The following RIC8B variants were observed in gnomAD, a reference collection of about 807,000 sequenced individuals.
RIC8B encodes chaperone Ric-8B.
Under a neutral mutation model 57.5 loss-of-function variants are expected in RIC8B, and 16 were observed. The observed-to-expected ratio is 0.28, with a 90% confidence interval of 0.19 to 0.42. The LOEUF is 0.42. Among genes scored for constraint, RIC8B ranks in the 10% least tolerant of loss-of-function variants. The pLI is 1.00. For synonymous variants in RIC8B, 216 were observed against 250.8 expected (o/e 0.86, Z 1.31); for missense variants, 481 against 677.0 (o/e 0.71, Z 3.21).
intron 8 of RIC8B, chr12:106,868,462 A>T: frequency 2.8e-6 from 1 of 361,934 alleles, no homozygotes; most frequent in Non-Finnish European, 5.5e-6. Flanking sequence ...CATTTATAAG[A>T]CTAGTTGTTT....
In RIC8B at chr12:106,870,954, C is replaced by T. The variant is rs1408578627; in HGVS notation, c.1571+12C>T. ...GATAAACTTTCCAGGTATTGTATTC[C>T]CATCCATTTTTTGCTTGGTTTCTAA... On this transcript the variant is annotated intron_variant, in intron 9 of 9. Transcript: ENST00000392837. The T allele has an allele frequency of 1.9e-6, 3 of 1,543,190 alleles. No homozygotes were observed. Among genetic ancestry groups the T allele is most frequent in the Non-Finnish European group, 2.6e-6 (3 of 1,143,190 alleles).
chr12:106,812,248 T>C lies in RIC8B; in HGVS notation c.133-2448T>C, dbSNP rs905467991. ...TCTTGTCTTTGCTTGCTGGATGATCTTCTACAAGCTTTTAGATGAAGCAGT... is the reference window on the plus strand; with the variant it reads ...TCTTGTCTTTGCTTGCTGGATGATCCTCTACAAGCTTTTAGATGAAGCAGT... On this transcript the variant is annotated intron_variant, in intron 2 of 9. Coordinates refer to ENST00000392837, the MANE Select transcript of RIC8B (RefSeq NM_001330145.2). 4.6e-5 allele frequency among the ~76,000 whole-genome samples: 7 copies of C among 150,802 alleles called. No homozygotes were observed. The South Asian group carries it at 1.4e-3, about 31-fold the overall frequency.
In RIC8B at chr12:106,815,248, G is replaced by C; in HGVS notation, c.685G>C (p.Glu229Gln). The change falls in exon 3 of 10, where the codon GAG (glutamate) becomes CAG (glutamine). Residue 229 changes from glutamate to glutamine, a missense_variant. By Grantham distance (29) the Glu-to-Gln change is conservative. This residue lies in a region of RIC8B where 421 missense variants were observed against 560.9 expected (regional missense o/e 0.75). Transcript: ENST00000392837. ...LSPQETDCAI[E>Q]ALKALFNVTV... Reference sequence around the variant, plus strand: ...ACCTCAGGAGACAGACTGTGCCATTGAGGCCCTCAAAGCTCTCTTCAATGT... The same window carrying C: ...ACCTCAGGAGACAGACTGTGCCATTCAGGCCCTCAAAGCTCTCTTCAATGT... 6.2e-7 allele frequency: 1 copy of C among 1,614,144 alleles called. No individual in the cohort carries two copies. Among genetic ancestry groups the C allele is most frequent in the Admixed American group, 1.7e-5 (1 of 60,028 alleles).
intron 1 of RIC8B, chr12:106,775,541 T>G (rs2043432382): frequency 3.1e-6 from 1 of 327,278 alleles, no homozygotes; most frequent in Non-Finnish European, 6.1e-6. Context: ...ATTATCTGCA[T>G]TTTGCAATTG....
chr12:106,880,415 T>A (rs1233425123), intron 9 of RIC8B, among the ~76,000 whole-genome samples: 1 of 152,120 alleles, frequency 6.6e-6, no homozygotes, highest in Non-Finnish European at 1.5e-5. Context: ...GTATAGAATA[T>A]TGGGGATCAT....
Position 106,867,514 on chromosome 12 carries a change from G to A in RIC8B, c.1452-3309G>A, listed in dbSNP as rs1950188650. On this transcript the variant is annotated intron_variant, in intron 8 of 9. Transcript: ENST00000392837. This position sits in a 1 kb window ranked among gnomAD's most constrained non-coding sequence, Gnocchi z 4.3. ...ATAAAACTAACTCCAGAATTTCATAGCGTTAAGATTGAAACCTGGACTGTG... is the reference window on the plus strand; with the variant it reads ...ATAAAACTAACTCCAGAATTTCATAACGTTAAGATTGAAACCTGGACTGTG... Among the ~76,000 whole-genome samples, 2 of 152,198 alleles carry A rather than the reference G, an allele frequency of 1.3e-5. No homozygotes were observed. The highest frequency in any genetic ancestry group is 4.1e-4 in the South Asian group (2 of 4,822).
chr12:106,798,613 CT>C (rs915772922), intron 2 of RIC8B, among the ~76,000 whole-genome samples: 47 of 145,166 alleles, frequency 3.2e-4, no homozygotes, highest in East Asian at 8.0e-4. Flanking sequence ...AGCCACTGTA[CT>C]TTTTTTTTTT....
At chr12:106,831,769 GA>G (rs1179063198) in intron 4 of RIC8B, among the ~76,000 whole-genome samples, 2 of 152,178 alleles carry the variant, frequency 1.3e-5, no homozygotes, top group Non-Finnish European at 2.9e-5. Flanking sequence ...CTGAATGAGG[GA>G]AACCATCTCT....
chr12:106,862,726 C>CT (rs1949993665), intron 8 of RIC8B, among the ~76,000 whole-genome samples: 1 of 152,122 alleles, frequency 6.6e-6, no homozygotes, highest in Non-Finnish European at 1.5e-5. Context: ...ATTGTCAAAA[C>CT]TTTAAGTGGA....
chr12:106,885,968 C>T lies in RIC8B; in HGVS notation c.1636C>T (p.Leu546Phe), dbSNP rs1252609396. 5.0e-6 allele frequency: 8 copies of T among 1,613,676 alleles called. No homozygotes were observed. The Admixed American group carries it at 6.7e-5, about 13-fold the overall frequency. ...DGTITPLEEA[L>F]NQYSVIEETS... ...GACAATAACGCCTTTGGAGGAAGCACTCAACCAGTACTCTGTCATCGAAGA... is the reference window on the plus strand; with the variant it reads ...GACAATAACGCCTTTGGAGGAAGCATTCAACCAGTACTCTGTCATCGAAGA... Residue 546 changes from leucine to phenylalanine, a missense_variant, in exon 10 of 10, where the codon CTC becomes TTC. Around this residue, in one of 3 missense-constraint regions of RIC8B, gnomAD observed 43 missense variants for 99.8 expected, o/e 0.43. Transcript: ENST00000392837.
At chr12:106,809,125 C>A (rs2045204746) in intron 2 of RIC8B, among the ~76,000 whole-genome samples, 3 of 152,254 alleles carry the variant, frequency 2.0e-5, no homozygotes, top group South Asian at 4.1e-4. Context: ...ATGGTATGAT[C>A]ATAATTTACA....
intron 8 of RIC8B, among the ~76,000 whole-genome samples, chr12:106,870,588 A>AAG (rs1365829928): frequency 3.3e-5 from 5 of 152,002 alleles, no homozygotes; most frequent in Non-Finnish European, 7.4e-5. Flanking sequence ...AAAAAAAAAA[A>AAG]GTTGGCAAGA....
chr12:106,815,459 C>A (rs573282138), intron 3 of RIC8B, among the ~76,000 whole-genome samples, 155 bp downstream of exon 3: 1 of 152,320 alleles, frequency 6.6e-6, no homozygotes, highest in East Asian at 1.9e-4. Context: ...ACTTCTTAAC[C>A]ATTGTAAGTC....
chr12:106,830,664 G>A (rs1290700937), intron 4 of RIC8B, among the ~76,000 whole-genome samples: 1 of 152,170 alleles, frequency 6.6e-6, no homozygotes, highest in Non-Finnish European at 1.5e-5. Flanking sequence ...AACTATAGCT[G>A]AACACTGGTC....
chr12:106,797,886 C>T (rs1464371858), intron 2 of RIC8B: 3 of 455,050 alleles, frequency 6.6e-6, no homozygotes, highest in African/African-American at 6.1e-5. Flanking sequence ...GGCTCCAAGA[C>T]CCGTGTGCTA....
intron 1 of RIC8B, chr12:106,775,030 G>A (rs2043388483): frequency 1.8e-6 from 1 of 564,888 alleles, no homozygotes; most frequent in Non-Finnish European, 3.2e-6. Context: ...CCACTGTAGC[G>A]CCCACTCCTC....
chr12:106,851,078 G>A (rs992457810), intron 6 of RIC8B, among the ~76,000 whole-genome samples: 6 of 152,058 alleles, frequency 3.9e-5, no homozygotes, highest in South Asian at 4.2e-4. Flanking sequence ...AGTATGACTC[G>A]GGGTATTAGG....
At chr12:106,876,945 GTAAA>G (rs1465582832) in intron 9 of RIC8B, among the ~76,000 whole-genome samples, 1 of 152,010 alleles carries the variant, frequency 6.6e-6, no homozygotes, top group African/African-American at 2.4e-5. Flanking sequence ...GAAAAATTCT[GTAAA>G]TAAATTACCA....
At chr12:106,850,441 C>T (rs1949416555) in intron 6 of RIC8B, among the ~76,000 whole-genome samples, 1 of 152,126 alleles carries the variant, frequency 6.6e-6, no homozygotes, top group African/African-American at 2.4e-5. Flanking sequence ...GACAAAGCAA[C>T]CAATGAGATA....
Sources: gnomAD v4.1 joint callset for allele counts (sites outside exome capture counted in the v4.1 genomes callset) on GRCh38, gnomAD v4.1.1 for gene constraint, gnomAD v4.1.1 regional missense constraint, Gnocchi (gnomAD v3.1) non-coding constraint, MANE v1.5 for transcripts, NCBI Gene and HGNC (gene_info 2026-07-23, HGNC 2026-07-21) for gene names.